The following AKAP10 variants were observed in gnomAD, a reference collection of about 807,000 sequenced individuals.
The protein encoded by AKAP10 is A-kinase anchoring protein 10.
Under a neutral mutation model 80.8 loss-of-function variants are expected in AKAP10, and 24 were observed. That is an observed-to-expected ratio of 0.30 (90% CI 0.22 to 0.42). The LOEUF (loss-of-function observed/expected upper bound fraction) is 0.42, where lower values mean the gene tolerates loss of function less well. Ranked by LOEUF, AKAP10 falls within the 10% of genes least tolerant of loss-of-function variation. AKAP10 has a pLI of 1.00. For missense variants in AKAP10, 661 were observed against 794.9 expected, an observed-to-expected ratio of 0.83 and a Z score of 2.03; for synonymous variants, 291 against 277.7, an observed-to-expected ratio of 1.05 and a Z score of -0.48.
chr17:19,945,732 G>A lies in AKAP10; in HGVS notation c.976+1675C>T, dbSNP rs143913387. 2.6e-3 allele frequency among the ~76,000 whole-genome samples: 402 copies of A among 152,296 alleles called. 1 individual carries two copies. The highest frequency in any genetic ancestry group is 9.1e-3 in the African/African-American group (380 of 41,560). On this transcript the variant is annotated intron_variant, in intron 5 of 14. Coordinates refer to ENST00000225737, the MANE Select transcript of AKAP10 (RefSeq NM_007202.4). ...GGGGTCTTGCTGTCCCCAGCAGTGA[G>A]TGAGTGCAAAGCACCCACACTAAGG...
At chr17:19,946,238 T>TAAAA (rs1567765502) in intron 5 of AKAP10, among the ~76,000 whole-genome samples, 7 of 8,788 alleles carry the variant, frequency 8.0e-4, no homozygotes, top group African/African-American at 3.6e-3. Flanking sequence ...ATATATATAT[T>TAAAA]ATATATATAT....
At chr17:19,910,342 A>AAAAAAAAAAC (rs2042676883) in intron 12 of AKAP10, among the ~76,000 whole-genome samples, 1 of 149,660 alleles carries the variant, frequency 6.7e-6, no homozygotes, top group South Asian at 2.1e-4. Context: ...AAAAAAAAAA[A>AAAAAAAAAAC]CCACTATCAC....
At chr17:19,943,920 G>GA (rs1185130094) in intron 5 of AKAP10, among the ~76,000 whole-genome samples, 2 of 151,780 alleles carry the variant, frequency 1.3e-5, no homozygotes, top group African/African-American at 4.8e-5. Context: ...AGCTGACAGG[G>GA]AAAAAACCCC....
chr17:19,949,850 C>T (rs1417087492), intron 4 of AKAP10, among the ~76,000 whole-genome samples: 1 of 151,266 alleles, frequency 6.6e-6, no homozygotes, highest in Non-Finnish European at 1.5e-5. Context: ...TTAACCTCAT[C>T]CCTAGTTCTA....
chr17:19,931,899 T>C lies in AKAP10; in HGVS notation c.1547A>G (p.Glu516Gly), dbSNP rs755507353. Reference sequence around the variant, plus strand: ...CAGCGACACGTTCCCGCCCAGAAATTCATCTCCTCGAACCGAATGGATGAG... The same window carrying C: ...CAGCGACACGTTCCCGCCCAGAAATCCATCTCCTCGAACCGAATGGATGAG... ...NDLIHSVRGDEFLGGNVSLTA... is the reference protein window; with the variant it reads ...NDLIHSVRGDGFLGGNVSLTA... Residue 516 changes from glutamate to glycine, a missense_variant, in exon 10 of 15, where the codon GAA (glutamate) becomes GGA (glycine). By Grantham distance (98) the Glu-to-Gly change is moderately conservative (BLOSUM62 -2). Transcript: ENST00000225737. 1 of 1,614,082 alleles carries C rather than the reference T, an allele frequency of 6.2e-7. No individual in the cohort carries two copies. The highest frequency in any genetic ancestry group is 1.3e-5 in the African/African-American group (1 of 75,000).
intron 5 of AKAP10, among the ~76,000 whole-genome samples, chr17:19,945,229 A>C (rs1597508975): frequency 1.6e-5 from 2 of 122,034 alleles, no homozygotes; most frequent in South Asian, 4.9e-4. Context: ...TAAGTAAAAG[A>C]AAGAGAGTTG....
At chr17:19,930,506 T>A (rs924243133) in intron 10 of AKAP10, among the ~76,000 whole-genome samples, 1 of 151,862 alleles carries the variant, frequency 6.6e-6, no homozygotes, top group African/African-American at 2.4e-5. Flanking sequence ...CACAACATTA[T>A]AGGTAGTGGT....
chr17:19,951,078 G>A (rs1037096629), intron 4 of AKAP10, among the ~76,000 whole-genome samples: 62 of 150,102 alleles, frequency 4.1e-4, no homozygotes, highest in African/African-American at 1.4e-3. Context: ...CCCGGCAGCC[G>A]CCCGGTCTGC....
chr17:19,955,129 G>A (rs2043259488), intron 4 of AKAP10, among the ~76,000 whole-genome samples: 1 of 152,024 alleles, frequency 6.6e-6, no homozygotes, highest in African/African-American at 2.4e-5. Flanking sequence ...GGCTAAGGCA[G>A]GAGAACTGCT....
intron 4 of AKAP10, among the ~76,000 whole-genome samples, chr17:19,952,595 C>T (rs1283547732): frequency 6.6e-6 from 1 of 151,980 alleles, no homozygotes; most frequent in East Asian, 1.9e-4. Flanking sequence ...AAAAGATATG[C>T]CATGCAAGCA....
At chr17:19,914,177 A>AT (rs1472566162) in intron 12 of AKAP10, among the ~76,000 whole-genome samples, 4 of 151,810 alleles carry the variant, frequency 2.6e-5, no homozygotes, top group Non-Finnish European at 4.4e-5. Flanking sequence ...TTTTTAAACA[A>AT]TTTTTTATAG....
intron 9 of AKAP10, among the ~76,000 whole-genome samples, chr17:19,933,763 T>C (rs2042962995): frequency 6.6e-6 from 1 of 152,184 alleles, no homozygotes; most frequent in African/African-American, 2.4e-5. Context: ...TTATGTATGG[T>C]ATTATATAAT....
intron 13 of AKAP10, 52 bp downstream of exon 13, chr17:19,909,874 T>C: frequency 6.4e-7 from 1 of 1,562,586 alleles, no homozygotes; most frequent in East Asian, 2.3e-5. Context: ...CTCACTTACA[T>C]GAGGGTGGCA....
At chr17:19,966,525 TAA>T (rs2043420642) in intron 2 of AKAP10, among the ~76,000 whole-genome samples, 1 of 152,244 alleles carries the variant, frequency 6.6e-6, no homozygotes, top group Non-Finnish European at 1.5e-5. Flanking sequence ...GTTCTGTGTA[TAA>T]GTTTGTCTTT....
chr17:19,943,270 C>T (rs1243893839), intron 5 of AKAP10, among the ~76,000 whole-genome samples: 1 of 152,128 alleles, frequency 6.6e-6, no homozygotes, highest in African/African-American at 2.4e-5. Context: ...TGACTTGTGG[C>T]TGTGGCCTCT....
chr17:19,940,363 T>G (rs549435911), intron 7 of AKAP10, among the ~76,000 whole-genome samples: 1 of 152,336 alleles, frequency 6.6e-6, no homozygotes, highest in African/African-American at 2.4e-5. Flanking sequence ...TCTTTCTACT[T>G]AATAGTCATT....
chr17:19,974,095 G>A (rs1258627890), intron 1 of AKAP10, among the ~76,000 whole-genome samples: 1 of 152,168 alleles, frequency 6.6e-6, no homozygotes, highest in Admixed American at 6.5e-5. Flanking sequence ...GCGAGGCTGA[G>A]GCAGGAGAAT....
intron 4 of AKAP10, among the ~76,000 whole-genome samples, chr17:19,951,914 T>TAA (rs759583171): frequency 4.6e-4 from 40 of 86,036 alleles, no homozygotes; most frequent in African/African-American, 1.5e-3. Context: ...AAATAAGAAT[T>TAA]AAAAAAAAAA....
intron 9 of AKAP10, among the ~76,000 whole-genome samples, chr17:19,934,978 C>T (rs1018391484): frequency 6.6e-6 from 1 of 152,218 alleles, no homozygotes; most frequent in Non-Finnish European, 1.5e-5. Context: ...TGCAACTGCA[C>T]TCCAGCCTGG....
Sources: gnomAD v4.1 joint callset for allele counts (sites outside exome capture counted in the v4.1 genomes callset) on GRCh38, gnomAD v4.1.1 for gene constraint, MANE v1.5 for transcripts, NCBI Gene and HGNC (gene_info 2026-07-23, HGNC 2026-07-21) for gene names.